Variants in STK3 observed in about 807,000 individuals in gnomAD.
The protein encoded by STK3 is serine/threonine kinase 3.
Under a neutral mutation model 58.0 loss-of-function variants are expected in STK3, and 41 were observed. The ratio of observed to expected loss-of-function variants is 0.71; its 90% confidence interval spans 0.55 to 0.92. STK3 has a LOEUF of 0.92. Ranked by LOEUF, STK3 falls within the 40% of genes least tolerant of loss-of-function variation. STK3 has a pLI of 0.00. For missense variants in STK3, 479 were observed against 602.7 expected, an observed-to-expected ratio of 0.79 and a Z score of 2.15; for synonymous variants, 170 against 191.0, an observed-to-expected ratio of 0.89 and a Z score of 0.91.
At chr8:98,519,877 T>G (rs1563693783) in intron 10 of STK3, among the ~76,000 whole-genome samples, 1 of 152,126 alleles carries the variant, frequency 6.6e-6, no homozygotes, top group Non-Finnish European at 1.5e-5. Context: ...CAACCAAAAA[T>G]GGTTGATTTA....
intron 1 of STK3, among the ~76,000 whole-genome samples, chr8:98,930,101 C>T (rs950648346): frequency 2.6e-5 from 4 of 152,188 alleles, no homozygotes; most frequent in African/African-American, 9.7e-5. Context: ...TCTCTAGTCC[C>T]ATCCTGGGCT....
At chr8:98,517,917 A>C (rs1208057824) in intron 10 of STK3, among the ~76,000 whole-genome samples, 1 of 152,118 alleles carries the variant, frequency 6.6e-6, no homozygotes, top group African/African-American at 2.4e-5. Context: ...TATGAATAGA[A>C]AGCCCACATA....
chr8:98,508,280 C>A (rs908698238), intron 10 of STK3, among the ~76,000 whole-genome samples: 1 of 152,086 alleles, frequency 6.6e-6, no homozygotes, highest in Non-Finnish European at 1.5e-5. Flanking sequence ...TAACTATTAT[C>A]ATAGGTGGCA....
intron 1 of STK3, among the ~76,000 whole-genome samples, chr8:98,790,195 T>C (rs959476446): frequency 2.0e-5 from 3 of 152,046 alleles, no homozygotes; most frequent in African/African-American, 2.4e-5. Context: ...ATCACCCTAA[T>C]ACCAAAACCA....
intron 3 of STK3, among the ~76,000 whole-genome samples, chr8:98,874,525 G>A (rs891643335): frequency 1.3e-5 from 2 of 152,054 alleles, no homozygotes; most frequent in African/African-American, 4.8e-5. Context: ...AACTCAAATG[G>A]ATAGTCTTGT....
At chr8:98,802,893 TG>T (rs1174655340) in intron 1 of STK3, among the ~76,000 whole-genome samples, 1 of 152,214 alleles carries the variant, frequency 6.6e-6, no homozygotes, top group Non-Finnish European at 1.5e-5. Flanking sequence ...TGAGCATCTG[TG>T]TGTGTATGTG....
intron 1 of STK3, among the ~76,000 whole-genome samples, chr8:98,383,379 T>C (rs1347366823): frequency 6.6e-6 from 1 of 152,100 alleles, no homozygotes; most frequent in Non-Finnish European, 1.5e-5. Flanking sequence ...CTCACAGGTG[T>C]CAGACTAGAT....
chr8:98,606,146 T>C (rs1816758453), intron 6 of STK3: 1 of 152,218 alleles, frequency 6.6e-6, no homozygotes, highest in African/African-American at 2.4e-5. Context: ...GAGAACTGCT[T>C]GAAGAAGCTG....
chr8:98,754,432 C>T (rs924019271), intron 3 of STK3, among the ~76,000 whole-genome samples: 4 of 151,484 alleles, frequency 2.6e-5, no homozygotes, highest in African/African-American at 9.7e-5. Flanking sequence ...GTGACTCTGA[C>T]ATAGACCCAG....
intron 1 of STK3, among the ~76,000 whole-genome samples, chr8:98,931,784 A>G (rs995208912): frequency 6.6e-6 from 1 of 152,234 alleles, no homozygotes; most frequent in Non-Finnish European, 1.5e-5. Context: ...TGGATATGTC[A>G]GTGCAACTTA....
At chr8:98,811,747 G>T (rs1473460322) in intron 1 of STK3, among the ~76,000 whole-genome samples, 1 of 152,158 alleles carries the variant, frequency 6.6e-6, no homozygotes, top group Non-Finnish European at 1.5e-5. Context: ...GTCTGATCTT[G>T]AATCCACAAA....
chr8:98,577,418 T>A (rs1813498772), intron 8 of STK3, among the ~76,000 whole-genome samples: 1 of 152,086 alleles, frequency 6.6e-6, no homozygotes, highest in African/African-American at 2.4e-5. Flanking sequence ...ACCCAGGAGA[T>A]GGAGGTTGCA....
At chr8:98,775,184 G>A (rs1008460445) in intron 1 of STK3, among the ~76,000 whole-genome samples, 1 of 151,988 alleles carries the variant, frequency 6.6e-6, no homozygotes, top group Non-Finnish European at 1.5e-5. Context: ...TTCCATACAG[G>A]TTAATCATCC....
chr8:98,857,606 A>G (rs1008551647), intron 3 of STK3, among the ~76,000 whole-genome samples: 4 of 152,244 alleles, frequency 2.6e-5, no homozygotes, highest in Non-Finnish European at 4.4e-5. Context: ...TAATAGGTTT[A>G]AACTTCTGTA....
chr8:98,772,727 C>T (rs1013064088), intron 2 of STK3, among the ~76,000 whole-genome samples: 48 of 151,890 alleles, frequency 3.2e-4, no homozygotes, highest in African/African-American at 1.1e-3. Context: ...AAAAATAAAA[C>T]TGCGTGGCAC....
At chr8:98,734,126 C>A (rs1374090025) in intron 4 of STK3, among the ~76,000 whole-genome samples, 1 of 152,148 alleles carries the variant, frequency 6.6e-6, no homozygotes, top group Non-Finnish European at 1.5e-5. Flanking sequence ...GAAATCTGCA[C>A]CCATGATCCA....
At chr8:98,717,227 C>T (rs1249425477) in intron 4 of STK3, among the ~76,000 whole-genome samples, 1 of 149,678 alleles carries the variant, frequency 6.7e-6, no homozygotes, top group African/African-American at 2.4e-5. Flanking sequence ...ACAATATCAA[C>T]AGAGTAAAAA....
intron 1 of STK3, chr8:98,905,714 C>T: frequency 1.6e-6 from 1 of 613,494 alleles, no homozygotes; most frequent in Non-Finnish European, 3.0e-6. Context: ...GTAGCTCCTG[C>T]GTCAGAGAGA....
chr8:98,467,680 T>C (rs1820588347), intron 10 of STK3, among the ~76,000 whole-genome samples: 1 of 152,138 alleles, frequency 6.6e-6, no homozygotes. Context: ...CAGGATAGTT[T>C]CATGCTCCAC....
Sources: gnomAD v4.1 joint callset for allele counts (sites outside exome capture counted in the v4.1 genomes callset) on GRCh38, gnomAD v4.1.1 for gene constraint, MANE v1.5 for transcripts, NCBI Gene and HGNC (gene_info 2026-07-23, HGNC 2026-07-21) for gene names.